Variants in ABTB2 observed in about 807,000 individuals in gnomAD.
ABTB2 encodes ankyrin repeat and BTB/POZ domain-containing protein 2.
Under a neutral mutation model 104.1 loss-of-function variants are expected in ABTB2, and 56 were observed. The ratio of observed to expected loss-of-function variants is 0.54; its 90% CI spans 0.43 to 0.67. The LOEUF is 0.67. Ranked by LOEUF, ABTB2 falls within the 30% of genes least tolerant of loss-of-function variation. The pLI is 0.00. For synonymous variants in ABTB2, 606 were observed against 608.2 expected (o/e 1.00, Z 0.05); for missense variants, 1,279 against 1,407.7 (o/e 0.91, Z 1.46).
intron 10 of ABTB2, 79 bp from the exon 11 acceptor site, chr11:34,161,160 A>G (rs919912638): frequency 2.1e-6 from 3 of 1,410,146 alleles, no homozygotes; most frequent in Non-Finnish European, 2.8e-6. Flanking sequence ...TTTTCTGGGC[A>G]GACTCTCTCG....
intron 1 of ABTB2, among the ~76,000 whole-genome samples, chr11:34,228,623 C>T (rs1353791216): frequency 6.6e-6 from 1 of 152,162 alleles, no homozygotes; most frequent in Non-Finnish European, 1.5e-5. Flanking sequence ...AGGTGATCGC[C>T]TGCCTCAGCC....
intron 1 of ABTB2, among the ~76,000 whole-genome samples, chr11:34,273,059 T>G (rs566254471): frequency 4.6e-5 from 7 of 152,294 alleles, no homozygotes; most frequent in Admixed American, 3.9e-4. Flanking sequence ...CGTCCTGACA[T>G]TTAGCAAACA....
intron 1 of ABTB2, among the ~76,000 whole-genome samples, chr11:34,285,139 G>A (rs1015125129): frequency 6.6e-6 from 1 of 152,156 alleles, no homozygotes; most frequent in East Asian, 1.9e-4. Flanking sequence ...GGCAATCCAG[G>A]CGGAAATCAC....
Position 34,357,245 on chromosome 11 carries a change from G to A in ABTB2, c.339C>T (p.Gly113=), listed in dbSNP as rs1855479004. ...DVARVLRKGA[G]GRRLPQFSAE... is the part of the protein sequence containing the mutation. The stretch of plus-strand genomic sequence containing the variant: ...CGGAGAACTGGGGCAGCCGCCGGCC[G>A]CCAGCGCCTTTGCGGAGCACCCGGG... The change falls in exon 1 of 17, where the codon GGC becomes GGT. Residue 113 remains glycine (G), a synonymous_variant. Coordinates refer to ENST00000435224, the MANE Select transcript of ABTB2 (RefSeq NM_145804.3). The A allele has an allele frequency of 2.0e-6, 3 of 1,496,854 alleles. No homozygotes were observed. The highest frequency in any genetic ancestry group is 2.3e-5 in the Admixed American group (1 of 43,874). 92.7% of individuals were successfully genotyped at this position (1,496,854 alleles called of 1,614,324 possible).
At chr11:34,331,427 C>T (rs1855128501) in intron 1 of ABTB2, among the ~76,000 whole-genome samples, 1 of 152,188 alleles carries the variant, frequency 6.6e-6, no homozygotes, top group South Asian at 2.1e-4. Context: ...TTCTCTTACT[C>T]TCTTTTCTAA....
chr11:34,268,195 T>A (rs1854272959), intron 1 of ABTB2, among the ~76,000 whole-genome samples: 1 of 152,194 alleles, frequency 6.6e-6, no homozygotes, highest in Admixed American at 6.5e-5. Context: ...TGGGTTCTCT[T>A]GGATTATCAA....
rs1565131106 is a variant in ABTB2 at position 34,170,980 on chromosome 11, A to T, written c.1489T>A (p.Cys497Ser). 6.2e-7 allele frequency: 1 copy of T among 1,614,166 alleles called. No homozygotes were observed. Among genetic ancestry groups the T allele is most frequent in the Non-Finnish European group, 8.5e-7 (1 of 1,180,032 alleles). Residue 497 changes from cysteine (C) to serine (S), a missense_variant, in exon 5 of 17, where the codon TGT (cysteine) becomes AGT (serine). Cys to Ser is a moderately radical substitution (Grantham distance 112). Transcript: ENST00000435224. Reference sequence around the variant, plus strand: ...TGGTTGATGAGGTCCGTCCTCCCACAGTTGAGCATGCGGAAACCCAGGTCC... The same window carrying T: ...TGGTTGATGAGGTCCGTCCTCCCACTGTTGAGCATGCGGAAACCCAGGTCC... ...NQDLGFRMLN[C>S]GRTDLINQAI...
At chr11:34,160,094 G>T in intron 12 of ABTB2, 86 bp from the exon 13 acceptor site, 1 of 1,302,674 alleles carries the variant, frequency 7.7e-7, no homozygotes, top group Non-Finnish European at 1.1e-6. Flanking sequence ...GCGTGTCTGG[G>T]GTTGGGGGTG....
At chr11:34,306,982 TAAAAAA>T (rs61161318) in intron 1 of ABTB2, among the ~76,000 whole-genome samples, 17,946 of 94,472 alleles carry the variant, frequency 0.19, 1,478 homozygotes, top group Admixed American at 0.33. Flanking sequence ...TCAGGAAACT[TAAAAAA>T]AAAAAAAAAA....
At chr11:34,171,193 G>A in intron 4 of ABTB2, 122 bp from the exon 5 acceptor site, 2 of 1,067,636 alleles carry the variant, frequency 1.9e-6, no homozygotes, top group Non-Finnish European at 2.7e-6. Flanking sequence ...AAGCACCAGG[G>A]AGTTATGATC....
At position 34,357,119 on chromosome 11, in the gene ABTB2, G is replaced by A. The variant is rs1227751524; in HGVS notation, c.465C>T (p.Arg155=). ...GGCGCACGGCGCTCTGCACCTCAAA[G>A]CGGGTGCACTTGGCGTGCAGCACGC... ...RLSVLHAKCT[R]FEVQSAVRLV... is the part of the protein sequence containing the mutation. The change falls in exon 1 of 17, where the codon CGC becomes CGT. Residue 155 remains arginine, a synonymous_variant. Transcript: ENST00000435224. 3 of 1,511,476 alleles carry A rather than the reference G, an allele frequency of 2.0e-6. No individual in the cohort carries two copies. Among genetic ancestry groups the A allele is most frequent in the African/African-American group, 1.4e-5 (1 of 71,682 alleles). The allele number at this position is 1,511,476 out of a possible 1,614,324, so 93.6% of individuals were successfully genotyped here.
chr11:34,206,276 G>C (rs571933670), intron 1 of ABTB2, among the ~76,000 whole-genome samples: 1 of 152,078 alleles, frequency 6.6e-6, no homozygotes, highest in African/African-American at 2.4e-5. Context: ...CCAGCTACTC[G>C]GGAGGCTGAG....
At chr11:34,283,506 A>C (rs537786830) in intron 1 of ABTB2, among the ~76,000 whole-genome samples, 1 of 152,230 alleles carries the variant, frequency 6.6e-6, no homozygotes, top group South Asian at 2.1e-4. Context: ...GTGAGCCACC[A>C]CACCCAGCCT....
At chr11:34,355,702 G>C (rs1855457743) in intron 1 of ABTB2, among the ~76,000 whole-genome samples, 1 of 152,178 alleles carries the variant, frequency 6.6e-6, no homozygotes, top group South Asian at 2.1e-4. Flanking sequence ...TCGTAAGGCT[G>C]TTTAACCATA....
intron 1 of ABTB2, among the ~76,000 whole-genome samples, chr11:34,266,033 T>C (rs1286047037): frequency 6.6e-6 from 1 of 152,174 alleles, no homozygotes; most frequent in Non-Finnish European, 1.5e-5. Context: ...GAGGAAAGAA[T>C]GATTGAGGGG....
intron 1 of ABTB2, among the ~76,000 whole-genome samples, chr11:34,342,577 G>A (rs1265287500): frequency 6.6e-6 from 1 of 152,208 alleles, no homozygotes; most frequent in Non-Finnish European, 1.5e-5. Context: ...CAAAATGGGA[G>A]TAAGAGTATA....
chr11:34,242,973 G>A (rs866084198), intron 1 of ABTB2, among the ~76,000 whole-genome samples: 45 of 152,278 alleles, frequency 3.0e-4, no homozygotes, highest in African/African-American at 9.9e-4. Context: ...CTGGGAGGAA[G>A]CTGGGTGTCT....
intron 1 of ABTB2, among the ~76,000 whole-genome samples, chr11:34,324,749 A>G (rs1564932673): frequency 6.6e-6 from 1 of 152,200 alleles, no homozygotes; most frequent in Non-Finnish European, 1.5e-5. Flanking sequence ...GTTCAGTTAC[A>G]GATCAGAATT....
chr11:34,254,656 G>A (rs960248567), intron 1 of ABTB2, among the ~76,000 whole-genome samples: 1 of 149,780 alleles, frequency 6.7e-6, no homozygotes, highest in Non-Finnish European at 1.5e-5. Flanking sequence ...AATAAGGCCA[G>A]TGAATATTAG....
Sources: gnomAD v4.1 joint callset for allele counts (sites outside exome capture counted in the v4.1 genomes callset) on GRCh38, gnomAD v4.1.1 for gene constraint, MANE v1.5 for transcripts, NCBI Gene and HGNC (gene_info 2026-07-23, HGNC 2026-07-21) for gene names.